Variants in NEK1 observed in about 807,000 individuals in gnomAD.
NEK1 encodes the protein serine/threonine-protein kinase Nek1.
In NEK1, 137 loss-of-function variants were observed where a neutral mutation model predicts 182.1. The ratio of observed to expected loss-of-function variants is 0.75; its 90% CI spans 0.65 to 0.87. The LOEUF is 0.87. NEK1 is among the 40% of genes least tolerant of loss of function. NEK1 has a pLI of 0.00. For synonymous variants in NEK1, 513 were observed against 492.2 expected, an observed-to-expected ratio of 1.04 and a Z score of -0.56; for missense variants, 1,391 against 1,494.4, an observed-to-expected ratio of 0.93 and a Z score of 1.14.
chr4:169,439,679 C>A (rs1245717927), intron 27 of NEK1, among the ~76,000 whole-genome samples: 1 of 152,042 alleles, frequency 6.6e-6, no homozygotes, highest in East Asian at 1.9e-4. Flanking sequence ...GGATAAAAAT[C>A]TATTTCTTGT....
intron 19 of NEK1, among the ~76,000 whole-genome samples, chr4:169,527,651 T>C (rs1757077970): frequency 6.6e-6 from 1 of 151,990 alleles, no homozygotes; most frequent in Admixed American, 6.6e-5. Context: ...AAAGAAATTA[T>C]ACAAAAGAAA....
At chr4:169,443,207 T>C (rs886840862) in intron 27 of NEK1, among the ~76,000 whole-genome samples, 5 of 151,962 alleles carry the variant, frequency 3.3e-5, no homozygotes, top group Admixed American at 2.6e-4. Context: ...TCCCATCTAC[T>C]TGGGAGGCTG....
chr4:169,466,526 G>GA (rs1744959660), intron 26 of NEK1, among the ~76,000 whole-genome samples: 1 of 151,578 alleles, frequency 6.6e-6, no homozygotes, highest in Admixed American at 6.6e-5. Flanking sequence ...AGTACTAAAA[G>GA]AAAAAAATTT....
At chr4:169,581,864 CATAATT>C (rs1450416580) in intron 10 of NEK1, among the ~76,000 whole-genome samples, 3 of 152,012 alleles carry the variant, frequency 2.0e-5, no homozygotes, top group Non-Finnish European at 4.4e-5. Context: ...TTTTGTAGCT[CATAATT>C]ATAAATTATA....
chr4:169,595,361 A>T (rs1216157821), intron 5 of NEK1, among the ~76,000 whole-genome samples: 1 of 152,210 alleles, frequency 6.6e-6, no homozygotes, highest in African/African-American at 2.4e-5. Context: ...CTTAAGCTAT[A>T]TCTAATTCTC....
intron 18 of NEK1, among the ~76,000 whole-genome samples, chr4:169,550,487 T>C: frequency 6.6e-6 from 1 of 152,248 alleles, no homozygotes; most frequent in Non-Finnish European, 1.5e-5. Flanking sequence ...AATAGTAATG[T>C]GACCTTCAAC....
intron 18 of NEK1, 126 bp downstream of exon 18, chr4:169,555,592 ACC>A (rs1410119873): frequency 4.0e-6 from 5 of 1,239,656 alleles, no homozygotes; most frequent in African/African-American, 1.5e-5. Context: ...AAATTATTGT[ACC>A]CAAGAGGCAA....
intron 27 of NEK1, among the ~76,000 whole-genome samples, chr4:169,439,990 G>A (rs541863091): frequency 9.9e-5 from 15 of 151,654 alleles, no homozygotes; most frequent in African/African-American, 3.6e-4. Context: ...GGGATTACAG[G>A]CGCACGGCAC....
intron 26 of NEK1, among the ~76,000 whole-genome samples, chr4:169,468,543 G>C (rs896510866): frequency 6.6e-6 from 1 of 152,102 alleles, no homozygotes. Context: ...CTTAGGGCAA[G>C]GTATACCAAT....
chr4:169,438,305 G>A (rs1320553826), intron 27 of NEK1, 46 bp from the exon 28 acceptor site: 2 of 1,431,608 alleles, frequency 1.4e-6, no homozygotes, highest in Admixed American at 2.3e-5. Flanking sequence ...TCAAAATGAT[G>A]CATTTTATCT....
Position 169,454,364 on chromosome 4 carries a change from C to CA in NEK1, c.2587+8878dup, listed in dbSNP as rs368657733. On this transcript the variant is annotated intron_variant, in intron 27 of 35. Transcript: ENST00000507142. ...ATTAAACTAAAGAGCTTCTGCATGG[C>CA]AAAAGAAACTACCATCATAGTCAAC... 2.6e-5 allele frequency among the ~76,000 whole-genome samples: 4 copies of CA among 152,184 alleles called. 1 individual carries two copies. Among genetic ancestry groups the CA allele is most frequent in the African/African-American group, 9.6e-5 (4 of 41,532 alleles).
chr4:169,572,667 G>A (rs1765057489), intron 12 of NEK1, among the ~76,000 whole-genome samples: 1 of 152,162 alleles, frequency 6.6e-6, no homozygotes, highest in African/African-American at 2.4e-5. Context: ...AACTTGCAAA[G>A]GAGGCTGAGA....
chr4:169,563,298 C>CT (rs1404786557), intron 12 of NEK1, among the ~76,000 whole-genome samples: 5 of 151,792 alleles, frequency 3.3e-5, no homozygotes, highest in South Asian at 2.1e-4. Flanking sequence ...GAGGTAGAGG[C>CT]TACCATGAGC....
intron 19 of NEK1, among the ~76,000 whole-genome samples, chr4:169,521,472 C>G (rs557972560): frequency 1.3e-5 from 2 of 151,824 alleles, no homozygotes; most frequent in Non-Finnish European, 2.9e-5. Flanking sequence ...TCTTCTGCGT[C>G]GCTCACGCTG....
At chr4:169,522,933 A>G (rs1756324873) in intron 19 of NEK1, among the ~76,000 whole-genome samples, 1 of 152,186 alleles carries the variant, frequency 6.6e-6, no homozygotes. Flanking sequence ...CCAGTCCAAG[A>G]TATACGGGAG....
In NEK1 at chr4:169,449,474, G is replaced by A. The variant is rs55900793; in HGVS notation, c.2588-11215C>T. 3.6e-3 allele frequency among the ~76,000 whole-genome samples: 551 copies of A among 152,302 alleles called. 3 individuals are homozygous for A. Among genetic ancestry groups the A allele is most frequent in the South Asian group, 0.022 (104 of 4,830 alleles). On this transcript the variant is annotated intron_variant, in intron 27 of 35. Coordinates refer to ENST00000507142, the MANE Select transcript of NEK1 (RefSeq NM_001199397.3). Reference sequence around the variant, plus strand: ...AAGCTTCCAGAGGAAGGATCAGGCAGCAATATTTGCTGTTCTTCAATATTT... The same window carrying A: ...AAGCTTCCAGAGGAAGGATCAGGCAACAATATTTGCTGTTCTTCAATATTT...
At chr4:169,440,941 A>G (rs1455685251) in intron 27 of NEK1, among the ~76,000 whole-genome samples, 1 of 152,158 alleles carries the variant, frequency 6.6e-6, no homozygotes, top group Non-Finnish European at 1.5e-5. Context: ...ACCAGATAAC[A>G]ACCTGCCCCA....
chr4:169,505,537 A>G (rs1325164782), intron 23 of NEK1, among the ~76,000 whole-genome samples: 4 of 152,246 alleles, frequency 2.6e-5, no homozygotes, highest in Non-Finnish European at 5.9e-5. Flanking sequence ...AGTCAACAGT[A>G]GGATATCAGT....
chr4:169,523,233 A>G (rs1756378552), intron 19 of NEK1, among the ~76,000 whole-genome samples: 1 of 152,218 alleles, frequency 6.6e-6, no homozygotes, highest in Non-Finnish European at 1.5e-5. Flanking sequence ...GGAAAGACTA[A>G]GAGATTGCTA....
Sources: gnomAD v4.1 joint callset for allele counts (sites outside exome capture counted in the v4.1 genomes callset) on GRCh38, gnomAD v4.1.1 for gene constraint, MANE v1.5 for transcripts, NCBI Gene and HGNC (gene_info 2026-07-23, HGNC 2026-07-21) for gene names.